Variants in KCND2 observed in about 807,000 individuals in gnomAD.
The protein encoded by KCND2 is potassium voltage-gated channel subfamily D member 2, also known as A-type voltage-gated potassium channel KCND2.
Under a neutral mutation model 54.4 loss-of-function variants are expected in KCND2, and 16 were observed. That is an observed-to-expected ratio of 0.29 (90% CI 0.20 to 0.45). The LOEUF is 0.45. KCND2 is among the 20% of genes least tolerant of loss of function. KCND2 has a pLI of 1.00. For synonymous variants in KCND2, 317 were observed against 310.7 expected, an observed-to-expected ratio of 1.02 and a Z score of -0.21; for missense variants, 486 against 824.2, an observed-to-expected ratio of 0.59 and a Z score of 5.02.
At chr7:120,356,934 T>C (rs1181567370) in intron 1 of KCND2, among the ~76,000 whole-genome samples, 2 of 152,150 alleles carry the variant, frequency 1.3e-5, no homozygotes, top group Non-Finnish European at 2.9e-5. Flanking sequence ...TATGTGACCA[T>C]GTGCATAGGT....
chr7:120,361,047 G>T (rs1481693330), intron 1 of KCND2, among the ~76,000 whole-genome samples: 1 of 151,926 alleles, frequency 6.6e-6, no homozygotes, highest in African/African-American at 2.4e-5. Context: ...CATATGATAA[G>T]ACTTTCAGTA....
intron 1 of KCND2, among the ~76,000 whole-genome samples, chr7:120,437,891 C>T (rs1441849568): frequency 6.6e-6 from 1 of 152,138 alleles, no homozygotes; most frequent in African/African-American, 2.4e-5. Context: ...TTTTGAAGTG[C>T]CTCTGAGAAT....
intron 1 of KCND2, among the ~76,000 whole-genome samples, chr7:120,521,816 T>C (rs1791699329): frequency 1.3e-5 from 2 of 152,270 alleles, no homozygotes; most frequent in South Asian, 2.1e-4. Flanking sequence ...ATACTTGAAG[T>C]GTACTTGTAG....
chr7:120,620,940 T>C (rs1793089755), intron 1 of KCND2, among the ~76,000 whole-genome samples: 1 of 152,036 alleles, frequency 6.6e-6, no homozygotes, highest in African/African-American at 2.4e-5. Flanking sequence ...CAATGGAAAC[T>C]AAACAACCAG....
intron 1 of KCND2, among the ~76,000 whole-genome samples, chr7:120,353,928 A>G (rs1283930500): frequency 6.6e-6 from 1 of 152,178 alleles, no homozygotes; most frequent in East Asian, 1.9e-4. Flanking sequence ...AACTAGTTTC[A>G]CTTAAGAATG....
At chr7:120,288,462 T>C (rs1203645102) in intron 1 of KCND2, among the ~76,000 whole-genome samples, 1 of 152,148 alleles carries the variant, frequency 6.6e-6, no homozygotes, top group Non-Finnish European at 1.5e-5. Context: ...TGGTGGATTC[T>C]TAGATTATAA....
intron 1 of KCND2, among the ~76,000 whole-genome samples, chr7:120,724,460 A>G (rs1792706690): frequency 6.6e-6 from 1 of 152,210 alleles, no homozygotes; most frequent in South Asian, 2.1e-4. Flanking sequence ...ATTACAAGAC[A>G]TACAGAAATG....
chr7:120,744,840 A>T (rs571683572), intron 4 of KCND2, among the ~76,000 whole-genome samples: 67 of 152,320 alleles, frequency 4.4e-4, no homozygotes, highest in Admixed American at 9.2e-4. Context: ...GAAAAACAAA[A>T]TAGTAATTGA....
At position 120,748,757 on chromosome 7, in the gene KCND2, TG is replaced by T. The variant is rs1562927193; in HGVS notation, c.*900del. On this transcript the variant is annotated 3_prime_UTR_variant, in exon 6 of 6. Coordinates refer to ENST00000331113, the MANE Select transcript of KCND2 (RefSeq NM_012281.3). Reference sequence around the variant, plus strand: ...TAATCCAAAACTATTGTGCCATAAATGTTTTTCAGTAATATTTTTTGGTCCA... The same window carrying T: ...TAATCCAAAACTATTGTGCCATAAATTTTTTCAGTAATATTTTTTGGTCCA... The T allele has an allele frequency of 6.6e-6, 1 of 152,074 alleles. No homozygotes were observed. Among genetic ancestry groups the T allele is most frequent in the African/African-American group, 2.4e-5 (1 of 41,458 alleles). The allele number at this position is 152,074 out of a possible 1,614,324, so 9.4% of individuals were successfully genotyped here.
intron 1 of KCND2, among the ~76,000 whole-genome samples, chr7:120,390,177 T>C (rs953519803): frequency 5.3e-5 from 8 of 151,744 alleles, no homozygotes; most frequent in Non-Finnish European, 1.2e-4. Flanking sequence ...ACAATCAGAA[T>C]TTCAAAAATA....
chr7:120,666,139 A>G (rs1234675309), intron 1 of KCND2, among the ~76,000 whole-genome samples: 1 of 152,074 alleles, frequency 6.6e-6, no homozygotes, highest in African/African-American at 2.4e-5. Flanking sequence ...CCAGCATTAT[A>G]TCATGAAATA....
At chr7:120,453,216 C>T (rs140796164) in intron 1 of KCND2, among the ~76,000 whole-genome samples, 192 of 152,342 alleles carry the variant, frequency 1.3e-3, no homozygotes, top group Non-Finnish European at 2.2e-3. Context: ...CACCACTGTG[C>T]GCATGTACCA....
At chr7:120,283,844 T>C (rs765509928) in intron 1 of KCND2, among the ~76,000 whole-genome samples, 56 of 152,162 alleles carry the variant, frequency 3.7e-4, no homozygotes, top group Non-Finnish European at 5.0e-4. Context: ...TTGTTAGTTA[T>C]ATAAGCCTGA....
chr7:120,718,649 C>T (rs544686838), intron 1 of KCND2, among the ~76,000 whole-genome samples: 1 of 152,010 alleles, frequency 6.6e-6, no homozygotes, highest in East Asian at 1.9e-4. Flanking sequence ...TCTAAATGGG[C>T]ATATTAGGAA....
At chr7:120,675,604 G>C (rs979941185) in intron 1 of KCND2, among the ~76,000 whole-genome samples, 8 of 152,006 alleles carry the variant, frequency 5.3e-5, no homozygotes, top group African/African-American at 2.4e-5. Flanking sequence ...TCTGGAATAC[G>C]TATAAGAATG....
intron 1 of KCND2, among the ~76,000 whole-genome samples, chr7:120,722,553 AGG>A: frequency 6.6e-6 from 1 of 152,238 alleles, no homozygotes; most frequent in Non-Finnish European, 1.5e-5. Context: ...GTAGATAAAT[AGG>A]TGGCAAAATT....
In KCND2 at chr7:120,576,403, A is replaced by G. The variant is rs149022079; in HGVS notation, c.1116-156500A>G. On this transcript the variant is annotated intron_variant, in intron 1 of 5. Transcript: ENST00000331113. ...TTTACAAATGATTAGCTCTTGCCCT[A>G]CTGCTAAACATTTAGGTTGATTCCA... Among the ~76,000 whole-genome samples, 4 of 152,340 alleles carry G rather than the reference A, an allele frequency of 2.6e-5. No individual in the cohort carries two copies. The East Asian group carries it at 7.7e-4, about 29-fold the overall frequency.
At chr7:120,568,694 C>T (rs977662823) in intron 1 of KCND2, among the ~76,000 whole-genome samples, 1 of 152,040 alleles carries the variant, frequency 6.6e-6, no homozygotes, top group African/African-American at 2.4e-5. Context: ...TTGATTTGTT[C>T]CCTTTAGTAA....
At chr7:120,441,366 G>C (rs927556342) in intron 1 of KCND2, among the ~76,000 whole-genome samples, 1 of 151,986 alleles carries the variant, frequency 6.6e-6, no homozygotes, top group Non-Finnish European at 1.5e-5. Flanking sequence ...GCATGTATAT[G>C]TATATTCCCT....
Sources: allele counts gnomAD v4.1 joint callset (sites outside exome capture counted in the v4.1 genomes callset), GRCh38; gene constraint gnomAD v4.1.1; transcripts MANE v1.5; gene names NCBI Gene and HGNC (gene_info 2026-07-23, HGNC 2026-07-21).